Variants in RASGEF1A observed in about 807,000 individuals in gnomAD.
RASGEF1A encodes the protein ras-GEF domain-containing family member 1A.
A neutral mutation model predicts 56.4 loss-of-function variants in RASGEF1A; 18 were observed. That is an observed-to-expected ratio of 0.32 (90% confidence interval 0.22 to 0.47). The LOEUF (loss-of-function observed/expected upper bound fraction) is 0.47. RASGEF1A is among the 20% of genes least tolerant of loss of function. The pLI, the probability that RASGEF1A is intolerant of heterozygous loss-of-function variation, is 1.00. For synonymous variants in RASGEF1A, 245 were observed against 242.6 expected, an observed-to-expected ratio of 1.01 and a Z score of -0.09; for missense variants, 422 against 627.1, an observed-to-expected ratio of 0.67 and a Z score of 3.49.
At chr10:43,266,247 G>C (rs566434976) in intron 1 of RASGEF1A, among the ~76,000 whole-genome samples, 2 of 152,162 alleles carry the variant, frequency 1.3e-5, no homozygotes, top group South Asian at 4.1e-4. Context: ...GGCCGGCAAG[G>C]CCTGGGGCAA....
rs917509200 is a variant in RASGEF1A, at chr10:43,197,070, A to T, written c.1254T>A (p.His418Gln). The change falls in exon 11 of 13, where the codon CAT (histidine) becomes CAA (glutamine). Residue 418 changes from histidine to glutamine, a missense_variant. His to Gln is a conservative substitution (Grantham distance 24, BLOSUM62 0). Coordinates refer to ENST00000395810, the MANE Select transcript of RASGEF1A (RefSeq NM_145313.4). ...KKFWEISRQI[H>Q]EFMTWTQVEC... ...CTACCTGTGTCCATGTCATGAACTCATGGATCTGTCTGGAGATCTCCCAGA... is the reference window on the plus strand; with the variant it reads ...CTACCTGTGTCCATGTCATGAACTCTTGGATCTGTCTGGAGATCTCCCAGA... 6.2e-7 allele frequency: 1 copy of T among 1,614,132 alleles called. No homozygotes were observed. The highest frequency in any genetic ancestry group is 8.5e-7 in the Non-Finnish European group (1 of 1,179,992).
chr10:43,210,299 T>C (rs1840048515), intron 1 of RASGEF1A, among the ~76,000 whole-genome samples: 1 of 141,340 alleles, frequency 7.1e-6, no homozygotes, highest in South Asian at 2.6e-4. Flanking sequence ...TAGAGACCCC[T>C]GTCTCTACTA....
intron 1 of RASGEF1A, among the ~76,000 whole-genome samples, chr10:43,260,784 A>T (rs1448213104): frequency 2.6e-5 from 4 of 152,242 alleles, no homozygotes; most frequent in African/African-American, 9.6e-5. Context: ...CGTGATCCAC[A>T]GCGCTCAGCA....
At chr10:43,219,000 G>C (rs1056344969) in intron 1 of RASGEF1A, among the ~76,000 whole-genome samples, 16 of 152,204 alleles carry the variant, frequency 1.1e-4, no homozygotes, top group Non-Finnish European at 2.2e-4. Flanking sequence ...TGTCCAGTCA[G>C]CTTCTTCTGG....
At chr10:43,256,812 T>C (rs1211103401) in intron 1 of RASGEF1A, among the ~76,000 whole-genome samples, 1 of 152,160 alleles carries the variant, frequency 6.6e-6, no homozygotes, top group African/African-American at 2.4e-5. Flanking sequence ...TCCCCGACTT[T>C]CTTGCCATTC....
chr10:43,247,630 G>C (rs1840581006), intron 1 of RASGEF1A, among the ~76,000 whole-genome samples: 1 of 140,748 alleles, frequency 7.1e-6, no homozygotes, highest in South Asian at 2.2e-4. Context: ...GCTAAGAGAA[G>C]GAAATCTGAC....
At chr10:43,231,489 C>T (rs1214256319) in intron 1 of RASGEF1A, among the ~76,000 whole-genome samples, 2 of 152,374 alleles carry the variant, frequency 1.3e-5, no homozygotes, top group Middle Eastern at 3.4e-3. Flanking sequence ...CTGAATGTGA[C>T]ACTCTAGAGG....
chr10:43,206,485 G>C (rs1176792512), intron 1 of RASGEF1A, among the ~76,000 whole-genome samples: 1 of 152,202 alleles, frequency 6.6e-6, no homozygotes, highest in African/African-American at 2.4e-5. Flanking sequence ...ACAACTGATG[G>C]GGCTGGCCGC....
chr10:43,221,101 G>A (rs980367804), intron 1 of RASGEF1A, among the ~76,000 whole-genome samples: 6 of 152,122 alleles, frequency 3.9e-5, no homozygotes, highest in Non-Finnish European at 8.8e-5. Flanking sequence ...GGGAGAAGAG[G>A]AGTGATCCCA....
intron 1 of RASGEF1A, among the ~76,000 whole-genome samples, chr10:43,235,863 GT>G (rs35145489): frequency 0.78 from 119,086 of 151,998 alleles, 46,893 homozygotes; most frequent in East Asian, 0.96. Context: ...GGCAGGACGG[GT>G]TGAGGGCCAA....
intron 1 of RASGEF1A, chr10:43,207,020 T>C (rs1840005463): frequency 1.0e-6 from 1 of 985,428 alleles, no homozygotes. Context: ...TTGTGAAGCC[T>C]AGGGGAGTCT....
rs966840451 is a variant in RASGEF1A at position 43,197,955 on chromosome 10, T to C, written c.1224+49A>G. On this transcript the variant is annotated intron_variant, in intron 10 of 12. Coordinates refer to ENST00000395810, the MANE Select transcript of RASGEF1A (RefSeq NM_145313.4). ...CAGGGCTAATGCCTGGCGGCTCCAG[T>C]AGCTCAGACAGTTTCCGCCTGGCCT... The C allele has an allele frequency of 9.3e-6, 14 of 1,506,644 alleles. No individual in the cohort carries two copies. The Admixed American group carries it at 2.3e-4, about 25-fold the overall frequency. 93.3% of individuals were successfully genotyped at this position (1,506,644 alleles called of 1,614,324 possible).
chr10:43,210,365 T>C (rs1840049405), intron 1 of RASGEF1A, among the ~76,000 whole-genome samples: 1 of 152,122 alleles, frequency 6.6e-6, no homozygotes, highest in Admixed American at 6.6e-5. Context: ...TTCCAGCTAC[T>C]TGGGGAGCTG....
chr10:43,261,422 G>T (rs1836527206), intron 1 of RASGEF1A, among the ~76,000 whole-genome samples: 1 of 152,244 alleles, frequency 6.6e-6, no homozygotes, highest in Non-Finnish European at 1.5e-5. Context: ...GACAGTGTGG[G>T]CAGGACTTGG....
chr10:43,214,994 C>T (rs771357684), intron 1 of RASGEF1A, among the ~76,000 whole-genome samples: 1 of 152,228 alleles, frequency 6.6e-6, no homozygotes, highest in South Asian at 2.1e-4. Flanking sequence ...CGGACCTCAG[C>T]ATTGCCCCTG....
At chr10:43,229,539 C>A in intron 1 of RASGEF1A, 1 of 1,078,338 alleles carries the variant, frequency 9.3e-7, no homozygotes, top group Admixed American at 2.7e-5. Context: ...CACCCTCCCG[C>A]ACGGGTCGGG....
At chr10:43,255,536 C>T (rs766395133) in intron 1 of RASGEF1A, among the ~76,000 whole-genome samples, 1 of 152,238 alleles carries the variant, frequency 6.6e-6, no homozygotes, top group African/African-American at 2.4e-5. Context: ...AGAGCCTGCA[C>T]CTGGAGCAGG....
intron 1 of RASGEF1A, among the ~76,000 whole-genome samples, chr10:43,247,163 T>C (rs1840574953): frequency 6.6e-6 from 1 of 152,204 alleles, no homozygotes; most frequent in African/African-American, 2.4e-5. Context: ...CACATTAAAA[T>C]TTCTCAAAAT....
chr10:43,250,329 C>G (rs201834724), intron 1 of RASGEF1A, among the ~76,000 whole-genome samples: 3 of 152,214 alleles, frequency 2.0e-5, no homozygotes. Context: ...GCAGCTATGA[C>G]GGTTTCCCTG....
Sources: gnomAD v4.1 joint callset for allele counts (sites outside exome capture counted in the v4.1 genomes callset) on GRCh38, gnomAD v4.1.1 for gene constraint, MANE v1.5 for transcripts, NCBI Gene and HGNC (gene_info 2026-07-23, HGNC 2026-07-21) for gene names.